FAT4: variants seen among roughly 807,000 people sequenced by gnomAD.
The protein encoded by FAT4 is FAT atypical cadherin 4, also known as protocadherin Fat 4.
Under a neutral mutation model 303.9 loss-of-function variants are expected in FAT4, and 84 were observed. The ratio of observed to expected loss-of-function variants is 0.28; its 90% CI spans 0.23 to 0.33. FAT4 has a LOEUF of 0.33. Among genes scored for constraint, FAT4 ranks in the 10% least tolerant of loss-of-function variants. FAT4 has a pLI of 1.00. For missense variants in FAT4, 6,005 were observed against 6,146.8 expected (o/e 0.98, Z 0.77); for synonymous variants, 2,307 against 2,298.8 (o/e 1.00, Z -0.10).
chr4:125,479,900 T>TGA, intron 15 of FAT4, 35 bp downstream of exon 15: 1 of 1,474,696 alleles, frequency 6.8e-7, no homozygotes, highest in Non-Finnish European at 9.1e-7. Flanking sequence ...CTGGAAATTT[T>TGA]AATAACTATG....
intron 2 of FAT4, among the ~76,000 whole-genome samples, chr4:125,337,741 A>G (rs559906123): frequency 1.4e-4 from 21 of 152,128 alleles, no homozygotes; most frequent in Non-Finnish European, 2.9e-4. Context: ...GAGTAGGTGA[A>G]CATAAAAAGA....
rs138280025 is a variant in FAT4 at position 125,356,764 on chromosome 4, C to A, written c.5175+35178C>A. On this transcript the variant is annotated intron_variant, in intron 2 of 17. Transcript: ENST00000394329. ...AGATATTAATATCAATATATCTACA[C>A]ATAATTGATATATAGTATATATTAT... Among the ~76,000 whole-genome samples the A allele has an allele frequency of 6.5e-4, 96 of 148,548 alleles. 1 individual carries two copies. The East Asian group carries it at 0.017, about 26-fold the overall frequency.
At chr4:125,338,644 A>T in intron 2 of FAT4, among the ~76,000 whole-genome samples, 1 of 152,284 alleles carries the variant, frequency 6.6e-6, no homozygotes, top group East Asian at 1.9e-4. Context: ...CAGAAAATCT[A>T]AAAGATTGCT....
At chr4:125,457,112 G>A (rs1161252972) in intron 10 of FAT4, among the ~76,000 whole-genome samples, 1 of 137,218 alleles carries the variant, frequency 7.3e-6, no homozygotes, top group Non-Finnish European at 1.5e-5. Flanking sequence ...CCCATACCCA[G>A]TTTCTCTCAT....
intron 9 of FAT4, among the ~76,000 whole-genome samples, chr4:125,447,877 A>T (rs1024077684): frequency 6.6e-6 from 1 of 152,104 alleles, no homozygotes; most frequent in Non-Finnish European, 1.5e-5. Context: ...GTGTATGTAT[A>T]TACACACACA....
Position 125,452,034 on chromosome 4 carries a change from G to A in FAT4, c.11024G>A (p.Arg3675Lys). Residue 3675 changes from arginine (R) to lysine (K), a missense_variant, in exon 10 of 18, where the codon AGG (arginine) becomes AAG (lysine). By Grantham distance (26) the Arg-to-Lys change is conservative. Coordinates refer to ENST00000394329, the MANE Select transcript of FAT4 (RefSeq NM_001291303.3). Reference protein sequence around the residue: ...GGTCDLNSQPRSTDGTFDLTV... With the variant: ...GGTCDLNSQPKSTDGTFDLTV... ...ACTTGTGATCTGAATTCCCAGCCAA[G>A]GTCCACAGATGGCACGTTTGATCTG... The A allele has an allele frequency of 6.2e-7, 1 of 1,614,100 alleles. No individual in the cohort carries two copies. The highest frequency in any genetic ancestry group is 1.1e-5 in the South Asian group (1 of 91,082).
Position 125,318,105 on chromosome 4 carries a change from A to T in FAT4, c.1694A>T (p.Tyr565Phe). 6.2e-7 allele frequency: 1 copy of T among 1,614,132 alleles called. No homozygotes were observed. Among genetic ancestry groups the T allele is most frequent in the Non-Finnish European group, 8.5e-7 (1 of 1,180,028 alleles). The change falls in exon 2 of 18, where the codon TAT (tyrosine) becomes TTT (phenylalanine). Residue 565 changes from tyrosine to phenylalanine, a missense_variant. Transcript: ENST00000394329. Reference protein sequence around the residue: ...RDQGVHPKVSYAQLVVTLLDV... With the variant: ...RDQGVHPKVSFAQLVVTLLDV... ...CAGGGAGTTCACCCCAAGGTGTCCTATGCCCAGCTTGTAGTAACTCTCCTA... is the reference window on the plus strand; with the variant it reads ...CAGGGAGTTCACCCCAAGGTGTCCTTTGCCCAGCTTGTAGTAACTCTCCTA...
chr4:125,385,024 A>ATAT (rs1445379104), intron 2 of FAT4, among the ~76,000 whole-genome samples: 8 of 94,430 alleles, frequency 8.5e-5, no homozygotes, highest in South Asian at 3.9e-4. Context: ...ATATATATAT[A>ATAT]TTTTTTTTTT....
chr4:125,444,608 C>T (rs1033163166), intron 8 of FAT4, among the ~76,000 whole-genome samples: 3 of 152,096 alleles, frequency 2.0e-5, no homozygotes, highest in South Asian at 2.1e-4. Flanking sequence ...CCTATCAACA[C>T]ATTACGCTTA....
At chr4:125,393,271 T>A (rs1236280726) in intron 2 of FAT4, among the ~76,000 whole-genome samples, 3 of 152,176 alleles carry the variant, frequency 2.0e-5, no homozygotes, top group African/African-American at 4.8e-5. Flanking sequence ...TTTAAGAATA[T>A]GTTTAGAATT....
At chr4:125,455,384 C>A in intron 10 of FAT4, among the ~76,000 whole-genome samples, 1 of 152,032 alleles carries the variant, frequency 6.6e-6, no homozygotes, top group East Asian at 1.9e-4. Flanking sequence ...CTTTTCTAAA[C>A]GTGATAGTTG....
chr4:125,406,983 G>A lies in FAT4; in HGVS notation c.5411G>A (p.Arg1804Lys). Residue 1804 changes from arginine (R) to lysine (K), a missense_variant, in exon 4 of 18, where the codon AGG becomes AAG. Physicochemically the swap from Arg to Lys is conservative, Grantham distance 26. Coordinates refer to ENST00000394329, the MANE Select transcript of FAT4 (RefSeq NM_001291303.3). ...CTGATAGCAACCAGGCGGTTGGACAGGGAACGCCGCTCCAAATATTCACTG... is the reference window on the plus strand; with the variant it reads ...CTGATAGCAACCAGGCGGTTGGACAAGGAACGCCGCTCCAAATATTCACTG... ...GDLIATRRLD[R>K]ERRSKYSLLV... 1.9e-6 allele frequency: 3 copies of A among 1,613,868 alleles called. No individual in the cohort carries two copies. The highest frequency in any genetic ancestry group is 1.3e-5 in the African/African-American group (1 of 75,006).
chr4:125,415,681 A>G lies in FAT4; in HGVS notation c.6718A>G (p.Thr2240Ala). Reference sequence around the variant, plus strand: ...AACAGATCGAGGCAGCACACCCAGAACTGATACCTCCACGGTCAGCATTGT... The same window carrying G: ...AACAGATCGAGGCAGCACACCCAGAGCTGATACCTCCACGGTCAGCATTGT... ...QATDRGSTPR[T>A]DTSTVSIVLL... The change falls in exon 6 of 18, where the codon ACT (threonine) becomes GCT (alanine). Residue 2240 changes from threonine to alanine, a missense_variant. Thr to Ala is a moderately conservative substitution (Grantham distance 58). Coordinates refer to ENST00000394329, the MANE Select transcript of FAT4 (RefSeq NM_001291303.3). The G allele has an allele frequency of 6.2e-7, 1 of 1,613,998 alleles. No homozygotes were observed. Among genetic ancestry groups the G allele is most frequent in the Non-Finnish European group, 8.5e-7 (1 of 1,179,950 alleles).
chr4:125,321,233 C>T lies in FAT4; in HGVS notation c.4822C>T (p.Pro1608Ser). The change falls in exon 2 of 18, where the codon CCT becomes TCT. Residue 1608 changes from proline (P) to serine (S), a missense_variant. Transcript: ENST00000394329. ...NLIVSATDLG[P>S]ERRKSTTELT... Reference sequence around the variant, plus strand: ...CATAGTTTCAGCAACAGACCTTGGGCCTGAAAGGAGGAAATCGACCACTGA... The same window carrying T: ...CATAGTTTCAGCAACAGACCTTGGGTCTGAAAGGAGGAAATCGACCACTGA... 6.2e-7 allele frequency: 1 copy of T among 1,614,134 alleles called. No homozygotes were observed. The highest frequency in any genetic ancestry group is 8.5e-7 in the Non-Finnish European group (1 of 1,180,008).
intron 2 of FAT4, among the ~76,000 whole-genome samples, chr4:125,396,290 C>T (rs6816784): frequency 0.095 from 14,456 of 151,852 alleles, 1,280 homozygotes; most frequent in African/African-American, 0.24. Context: ...GTGTATGTAT[C>T]TACATACACA....
chr4:125,483,268 A>G (rs1255773783), intron 16 of FAT4, among the ~76,000 whole-genome samples: 1 of 152,216 alleles, frequency 6.6e-6, no homozygotes, highest in East Asian at 1.9e-4. Context: ...TGAAAATGGT[A>G]TTAGAAGTAA....
chr4:125,317,751 C>A lies in FAT4; in HGVS notation c.1340C>A (p.Pro447His). ...TCCGTCTCTGATAACTACGGGGCGCCCCCTGGCGCAGCAGTCCAGGCGCGC... is the reference window on the plus strand; with the variant it reads ...TCCGTCTCTGATAACTACGGGGCGCACCCTGGCGCAGCAGTCCAGGCGCGC... ...TVSVSDNYGA[P>H]PGAAVQARSS... The change falls in exon 2 of 18, where the codon CCC becomes CAC. Residue 447 changes from proline to histidine, a missense_variant. Physicochemically the swap from Pro to His is moderately conservative, Grantham distance 77. Coordinates refer to ENST00000394329, the MANE Select transcript of FAT4 (RefSeq NM_001291303.3). This position sits in a 1 kb window ranked among gnomAD's most constrained non-coding sequence, Gnocchi z 7.0. 3.1e-6 allele frequency: 5 copies of A among 1,614,142 alleles called. No individual in the cohort carries two copies. The highest frequency in any genetic ancestry group is 4.2e-6 in the Non-Finnish European group (5 of 1,180,038).
chr4:125,364,309 T>C (rs1732781454), intron 2 of FAT4, among the ~76,000 whole-genome samples: 1 of 152,200 alleles, frequency 6.6e-6, no homozygotes, highest in Non-Finnish European at 1.5e-5. Context: ...GTCACATTTA[T>C]GTTGATCTCT....
At chr4:125,476,140 A>G in intron 12 of FAT4, 31 bp from the exon 13 acceptor site, 1 of 1,447,632 alleles carries the variant, frequency 6.9e-7, no homozygotes, top group Non-Finnish European at 9.6e-7. Flanking sequence ...GTAGAACTCA[A>G]AGTTGAATGT....
Sources: allele counts gnomAD v4.1 joint callset (sites outside exome capture counted in the v4.1 genomes callset), GRCh38; gene constraint gnomAD v4.1.1; non-coding constraint Gnocchi (gnomAD v3.1); transcripts MANE v1.5; gene names NCBI Gene and HGNC (gene_info 2026-07-23, HGNC 2026-07-21).